The following ZNF98 variants were observed in gnomAD, a reference collection of about 807,000 sequenced individuals.
ZNF98 encodes zinc finger protein 739.
Under a neutral mutation model 12.8 loss-of-function variants are expected in ZNF98, and 8 were observed. That is an observed-to-expected ratio of 0.63 (90% CI 0.37 to 1.13). The LOEUF (loss-of-function observed/expected upper bound fraction) is 1.13, where lower values mean the gene tolerates loss of function less well. Ranked by LOEUF, ZNF98 falls within the 50% of genes most tolerant of loss-of-function variation. The pLI, the probability that ZNF98 is intolerant of heterozygous loss-of-function variation, is 0.01. For missense variants in ZNF98, 379 were observed against 666.1 expected (o/e 0.57, Z 4.74); for synonymous variants, 112 against 223.5 (o/e 0.50, Z 4.45).
chr19:22,411,706 C>T (rs764425487), intron 1 of ZNF98, among the ~76,000 whole-genome samples: 1 of 152,118 alleles, frequency 6.6e-6, no homozygotes, highest in Admixed American at 6.5e-5. Context: ...AATCTAAATG[C>T]GTTAATAAAA....
chr19:22,421,098 T>C (rs536727401), intron 1 of ZNF98, among the ~76,000 whole-genome samples: 2 of 152,328 alleles, frequency 1.3e-5, no homozygotes, highest in Non-Finnish European at 2.9e-5. Flanking sequence ...AGTAACTTAC[T>C]ATAGCAGCTT....
At chr19:22,394,528 C>G (rs1304432337) in intron 3 of ZNF98, among the ~76,000 whole-genome samples, 2 of 152,204 alleles carry the variant, frequency 1.3e-5, no homozygotes, top group East Asian at 3.9e-4. Context: ...GAGTTCATGT[C>G]CTTTGCAGGC....
At position 22,392,705 on chromosome 19, in the gene ZNF98, G is replaced by A. The variant is rs1305012312; in HGVS notation, c.530C>T (p.Thr177Ile). 6 of 1,602,970 alleles carry A rather than the reference G, an allele frequency of 3.7e-6. No homozygotes were observed. In the Admixed American group the frequency reaches 1.0e-4, roughly 28 times the overall value. The change falls in exon 4 of 4, where the codon ACT becomes ATT. Residue 177 changes from threonine to isoleucine, a missense_variant. Coordinates refer to ENST00000357774, the MANE Select transcript of ZNF98 (RefSeq NM_001098626.2). ...TTTACACTTGAAAGATTTCTTTCCA[G>A]TATGTCCTATCTTATGTCTGTTTGA... ...SNSNRHKIGH[T>I]GKKSFKCKEC...
intron 1 of ZNF98, among the ~76,000 whole-genome samples, 155 bp from the exon 2 acceptor site, chr19:22,403,667 T>C (rs1178493990): frequency 6.6e-6 from 1 of 152,220 alleles, no homozygotes; most frequent in Non-Finnish European, 1.5e-5. Context: ...AGAAGTATTC[T>C]CTAATGTATT....
intron 1 of ZNF98, among the ~76,000 whole-genome samples, chr19:22,418,739 AG>A (rs1749322470): frequency 6.6e-6 from 1 of 152,078 alleles, no homozygotes; most frequent in African/African-American, 2.4e-5. Flanking sequence ...AAAATTAGCC[AG>A]GCATTTTGGT....
At chr19:22,406,372 C>G (rs1251638314) in intron 1 of ZNF98, among the ~76,000 whole-genome samples, 1 of 151,982 alleles carries the variant, frequency 6.6e-6, no homozygotes, top group Non-Finnish European at 1.5e-5. Context: ...CAAATCACAG[C>G]AACCATACAG....
rs200849321 is a variant in ZNF98, at chr19:22,392,154, G to A, written c.1081C>T (p.Arg361Trp). The A allele has an allele frequency of 2.2e-4, 348 of 1,612,860 alleles. No individual in the cohort carries two copies. The highest frequency in any genetic ancestry group is 2.8e-4 in the Non-Finnish European group (331 of 1,179,590). The change falls in exon 4 of 4, where the codon CGG (arginine) becomes TGG (tryptophan). Residue 361 changes from arginine to tryptophan, a missense_variant. Coordinates refer to ENST00000357774, the MANE Select transcript of ZNF98 (RefSeq NM_001098626.2). ...TTATGTGTAGTAAGGTGGGATAACC[G>A]GCTAAAGGCCTTACCACATTCTTCA... Reference protein sequence around the residue: ...KCEECGKAFSRLSHLTTHKRI... With the variant: ...KCEECGKAFSWLSHLTTHKRI...
At chr19:22,400,058 T>C (rs1969439139) in intron 3 of ZNF98, among the ~76,000 whole-genome samples, 1 of 152,162 alleles carries the variant, frequency 6.6e-6, no homozygotes, top group African/African-American at 2.4e-5. Flanking sequence ...AGGACCCCTG[T>C]TCTTGGCTAC....
At chr19:22,406,555 T>C (rs1307282352) in intron 1 of ZNF98, among the ~76,000 whole-genome samples, 2 of 152,160 alleles carry the variant, frequency 1.3e-5, no homozygotes, top group Non-Finnish European at 2.9e-5. Context: ...TGGTGGCTCA[T>C]GCCTGTAATC....
At chr19:22,414,001 G>T (rs949605072) in intron 1 of ZNF98, among the ~76,000 whole-genome samples, 3 of 151,722 alleles carry the variant, frequency 2.0e-5, no homozygotes, top group Admixed American at 6.6e-5. Flanking sequence ...ACTTTGGGAG[G>T]CTGAAGCGGC....
intron 3 of ZNF98, among the ~76,000 whole-genome samples, chr19:22,395,581 TA>T (rs796130101): frequency 2.7e-5 from 4 of 149,444 alleles, no homozygotes; most frequent in East Asian, 3.9e-4. Context: ...ATCAAAATAT[TA>T]AAAAAAAACA....
chr19:22,401,666 G>A (rs2145112772), intron 3 of ZNF98, among the ~76,000 whole-genome samples: 1 of 151,352 alleles, frequency 6.6e-6, no homozygotes, highest in East Asian at 2.0e-4. Context: ...TGTATTTTTA[G>A]TAGAGACAGG....
Position 22,391,643 on chromosome 19 carries a change from G to A in ZNF98, c.1592C>T (p.Ser531Phe), listed in dbSNP as rs577683093. 14 of 1,613,818 alleles carry A rather than the reference G, an allele frequency of 8.7e-6. No homozygotes were observed. The highest frequency in any genetic ancestry group is 1.7e-4 in the Middle Eastern group (1 of 6,058). The change falls in exon 4 of 4, where the codon TCT becomes TTT. Residue 531 changes from serine to phenylalanine, a missense_variant. Transcript: ENST00000357774. Reference sequence around the variant, plus strand: ...AATCATCTTATGTCTGTTAAGAATAGAGGAGTTGTTAAAGGCTTTGCCGCA... The same window carrying A: ...AATCATCTTATGTCTGTTAAGAATAAAGGAGTTGTTAAAGGCTTTGCCGCA... ...EECGKAFNNS[S>F]ILNRHKMIHT...
In ZNF98 at chr19:22,392,591, C is replaced by T. The variant is rs1448421993; in HGVS notation, c.644G>A (p.Cys215Tyr). The change falls in exon 4 of 4, where the codon TGT becomes TAT. Residue 215 changes from cysteine (C) to tyrosine (Y), a missense_variant. Around this residue, in one of 8 missense-constraint regions of ZNF98, gnomAD observed 223 missense variants for 261.6 expected, o/e 0.85. Transcript: ENST00000357774. ...SGEKPYKCKE[C>Y]GKAYNEASNL... ...TGAGGCCTCATTATAGGCTTTCCCA[C>T]ATTCTTTACATTTGTAGGGTTTCTC... 6 of 1,609,766 alleles carry T rather than the reference C, an allele frequency of 3.7e-6. No individual in the cohort carries two copies. The highest frequency in any genetic ancestry group is 1.1e-5 in the South Asian group (1 of 90,730).
At chr19:22,396,609 T>C (rs1318750186) in intron 3 of ZNF98, among the ~76,000 whole-genome samples, 6 of 152,002 alleles carry the variant, frequency 3.9e-5, no homozygotes, top group Non-Finnish European at 8.8e-5. Flanking sequence ...AAAACCAAGA[T>C]CCAACTTTTT....
intron 1 of ZNF98, among the ~76,000 whole-genome samples, chr19:22,412,922 G>A (rs1386997389): frequency 6.6e-6 from 1 of 151,826 alleles, no homozygotes; most frequent in Non-Finnish European, 1.5e-5. Flanking sequence ...GCGTGGTGGC[G>A]GGTGCCTGTA....
chr19:22,393,451 G>A (rs954612407), intron 3 of ZNF98, among the ~76,000 whole-genome samples: 2 of 151,876 alleles, frequency 1.3e-5, no homozygotes, highest in Non-Finnish European at 2.9e-5. Flanking sequence ...ACAGTTTGAG[G>A]CTGCTGAGAT....
At chr19:22,417,615 G>T (rs1200680657) in intron 1 of ZNF98, among the ~76,000 whole-genome samples, 1 of 152,098 alleles carries the variant, frequency 6.6e-6, no homozygotes, top group East Asian at 1.9e-4. Flanking sequence ...ATTATGAACA[G>T]GTGGTCCAGA....
intron 1 of ZNF98, among the ~76,000 whole-genome samples, chr19:22,416,045 G>A (rs1192306136): frequency 2.0e-5 from 3 of 151,302 alleles, no homozygotes; most frequent in Non-Finnish European, 4.4e-5. Context: ...TCGGGAGGCT[G>A]AGGCAGGAGA....
Sources: gnomAD v4.1 joint callset for allele counts (sites outside exome capture counted in the v4.1 genomes callset) on GRCh38, gnomAD v4.1.1 for gene constraint, gnomAD v4.1.1 regional missense constraint, MANE v1.5 for transcripts, NCBI Gene and HGNC (gene_info 2026-07-23, HGNC 2026-07-21) for gene names.